TCP10L: variants seen among roughly 807,000 people sequenced by gnomAD.
TCP10L encodes the protein t-complex 10 like.
TCP10L carries 11 observed loss-of-function variants against 19.2 expected under a neutral mutation model. The observed-to-expected ratio is 0.57, with a 90% CI of 0.36 to 0.95. The LOEUF is 0.95. TCP10L is among the 40% of genes least tolerant of loss of function. The pLI, the probability that TCP10L is intolerant of heterozygous loss-of-function variation, is 0.01. For missense variants in TCP10L, 247 were observed against 263.9 expected (o/e 0.94, Z 0.44); for synonymous variants, 96 against 97.2 (o/e 0.99, Z 0.07).
intron 4 of TCP10L, among the ~76,000 whole-genome samples, 195 bp from the exon 5 acceptor site, chr21:32,577,118 T>C (rs1164960508): frequency 6.6e-6 from 1 of 152,222 alleles, no homozygotes; most frequent in Non-Finnish European, 1.5e-5. Flanking sequence ...AAATTTGGGA[T>C]TCCAATACAT....
At chr21:32,584,807 G>A (rs539427004) in intron 1 of TCP10L, among the ~76,000 whole-genome samples, 6 of 152,090 alleles carry the variant, frequency 3.9e-5, no homozygotes, top group African/African-American at 9.7e-5. Flanking sequence ...GCACCCACCT[G>A]GAGGGGCACA....
intron 4 of TCP10L, chr21:32,577,387 G>A (rs1329985394): frequency 6.5e-6 from 1 of 154,670 alleles, no homozygotes; most frequent in African/African-American, 2.4e-5. Flanking sequence ...GACTTACGAT[G>A]TTTTGTACTC....
In TCP10L at chr21:32,576,337, A is replaced by T; in HGVS notation, c.*437T>A. On this transcript the variant is annotated 3_prime_UTR_variant, in exon 5 of 5. Coordinates refer to ENST00000300258, the MANE Select transcript of TCP10L (RefSeq NM_144659.7). ...TGGATGCATAGCCTGGGGCAATGAC[A>T]GTCACAGGCCCGCCTTGTCACAAGG... The T allele has an allele frequency of 1.4e-6, 2 of 1,469,522 alleles. No homozygotes were observed. The highest frequency in any genetic ancestry group is 2.4e-5 in the South Asian group (2 of 82,738). 91.0% of individuals were successfully genotyped at this position (1,469,522 alleles called of 1,614,324 possible). A position where few individuals can be genotyped will look rare whatever the true frequency, so the allele number is the denominator to read the frequency against.
In TCP10L at chr21:32,576,891, C is replaced by T. The variant is rs542247630; in HGVS notation, c.531G>A (p.Ser177=). The T allele has an allele frequency of 1.4e-5, 22 of 1,613,898 alleles. No homozygotes were observed. The highest frequency in any genetic ancestry group is 1.7e-4 in the Middle Eastern group (1 of 6,058). The change falls in exon 5 of 5, where the codon TCG becomes TCA. Residue 177 remains serine (S), a synonymous_variant. Transcript: ENST00000300258. ...TATTTTCCTGTGGTGGTGTTTTCCACGAGCTAATTCTTTCTATCTTTAAAC... is the reference window on the plus strand; with the variant it reads ...TATTTTCCTGTGGTGGTGTTTTCCATGAGCTAATTCTTTCTATCTTTAAAC... ...PMSLKIERIS[S]WKTPPQENRD...
rs1391938530 is a variant in TCP10L at position 32,584,233 on chromosome 21, A to C, written c.72T>G (p.Ala24=). 1 of 1,613,802 alleles carries C rather than the reference A, an allele frequency of 6.2e-7. No individual in the cohort carries two copies. The highest frequency in any genetic ancestry group is 1.7e-5 in the Admixed American group (1 of 59,996). Residue 24 remains alanine (A), a synonymous_variant, in exon 2 of 5, where the codon GCT becomes GCG. Transcript: ENST00000300258. Reference sequence around the variant, plus strand: ...CAGCTGTCTTCTCCATGACAGCCCCAGCTCCTGGGCACGGGTCCTCTGGGT... The same window carrying C: ...CAGCTGTCTTCTCCATGACAGCCCCCGCTCCTGGGCACGGGTCCTCTGGGT... ...GTHPEDPCPG[A]GAVMEKTAVA...
chr21:32,583,540 G>A (rs1205281398), intron 2 of TCP10L, among the ~76,000 whole-genome samples: 4 of 139,442 alleles, frequency 2.9e-5, no homozygotes, highest in Non-Finnish European at 4.5e-5. Context: ...AGTGAGCCGA[G>A]ATCCCGCCAC....
intron 3 of TCP10L, among the ~76,000 whole-genome samples, chr21:32,580,233 G>A (rs1295788590): frequency 6.6e-6 from 1 of 152,030 alleles, no homozygotes; most frequent in Non-Finnish European, 1.5e-5. Context: ...AGCCTCCCGA[G>A]TAGCTGGGAC....
intron 3 of TCP10L, among the ~76,000 whole-genome samples, chr21:32,581,219 C>G (rs2146527267): frequency 6.6e-6 from 1 of 152,324 alleles, no homozygotes; most frequent in Admixed American, 6.5e-5. Flanking sequence ...TTGGGGTGGT[C>G]AGGGGAGAGC....
At chr21:32,585,272 G>C (rs1416686628) in intron 1 of TCP10L, 149 bp downstream of exon 1, 2 of 256,516 alleles carry the variant, frequency 7.8e-6, no homozygotes, top group African/African-American at 2.3e-5. Context: ...GAAGTGGGCT[G>C]GGGTCACGGT....
chr21:32,577,740 A>T (rs2038450865), intron 4 of TCP10L: 1 of 152,302 alleles, frequency 6.6e-6, no homozygotes, highest in African/African-American at 2.4e-5. Context: ...GAAGACCCTA[A>T]CCCAGCAGTG....
At chr21:32,583,024 CTTTTTTTTT>C (rs59972145) in intron 2 of TCP10L, among the ~76,000 whole-genome samples, 13 of 94,804 alleles carry the variant, frequency 1.4e-4, no homozygotes, top group East Asian at 2.9e-4. Context: ...CATTCTTTTC[CTTTTTTTTT>C]TTTTTTTTTT....
At chr21:32,583,567 C>T (rs1374540572) in intron 2 of TCP10L, among the ~76,000 whole-genome samples, 2 of 128,874 alleles carry the variant, frequency 1.6e-5, no homozygotes, top group African/African-American at 6.0e-5. Flanking sequence ...CCAGCCTGGG[C>T]GACAGAGCGA....
At position 32,582,410 on chromosome 21, in the gene TCP10L, T is replaced by C; in HGVS notation, c.150A>G (p.Leu50=). 1 of 1,611,278 alleles carries C rather than the reference T, an allele frequency of 6.2e-7. No homozygotes were observed. Among genetic ancestry groups the C allele is most frequent in the Non-Finnish European group, 8.5e-7 (1 of 1,179,332 alleles). The change falls in exon 3 of 5, where the codon TTA becomes TTG. Residue 50 remains leucine (L), a synonymous_variant. Coordinates refer to ENST00000300258, the MANE Select transcript of TCP10L (RefSeq NM_144659.7). The surrounding 1 kb of genome is among the most constrained non-coding windows in gnomAD (Gnocchi z 4.2). The stretch of plus-strand genomic sequence containing the variant: ...GGTGGAGTCTGATGATCTGCTGCTG[T>C]AATGGCTGTTATTGGGAAGAGAACA... ...EDCNTGEMPP[L]QQQIIRLHQE...
intron 4 of TCP10L, 83 bp from the exon 5 acceptor site, chr21:32,577,006 C>A: frequency 7.1e-7 from 1 of 1,400,110 alleles, no homozygotes; most frequent in Non-Finnish European, 9.8e-7. Context: ...TACCAGCTAT[C>A]ACAGAATGTA....
At chr21:32,581,468 A>G (rs1291558652) in intron 3 of TCP10L, among the ~76,000 whole-genome samples, 3 of 152,140 alleles carry the variant, frequency 2.0e-5, no homozygotes, top group Non-Finnish European at 2.9e-5. Context: ...CAAGCTGCCT[A>G]CGGAGGGGTA....
At position 32,575,470 on chromosome 21, in the gene TCP10L, G is replaced by A. The variant is rs2833907; in HGVS notation, c.*1304C>T. On this transcript the variant is annotated 3_prime_UTR_variant, in exon 5 of 5. Transcript: ENST00000300258. ...CAGGAGGAAGACAGTGTCAGATTCG[G>A]CCCTGAAGGGCCACGCAGACCTCGG... 21,333 of 154,362 alleles carry A rather than the reference G, an allele frequency of 0.14. 1,714 individuals are homozygous for A. Among genetic ancestry groups the A allele is most frequent in the Middle Eastern group, 0.28 (84 of 300 alleles). 9.6% of individuals were successfully genotyped at this position (154,362 alleles called of 1,614,324 possible).
chr21:32,583,028 T>A (rs2038513928), intron 2 of TCP10L, among the ~76,000 whole-genome samples: 1 of 56,096 alleles, frequency 1.8e-5, no homozygotes, highest in Non-Finnish European at 3.2e-5. Context: ...CTTTTCCTTT[T>A]TTTTTTTTTT....
rs935847320 is a variant in TCP10L at position 32,584,011 on chromosome 21, GC to G, written c.144+149del. 34 of 1,033,382 alleles carry G rather than the reference GC, an allele frequency of 3.3e-5. No individual in the cohort carries two copies. The Admixed American group carries it at 4.9e-4, about 15-fold the overall frequency. The allele number at this position is 1,033,382 out of a possible 1,614,324, so 64.0% of individuals were successfully genotyped here. A position where few individuals can be genotyped will look rare whatever the true frequency, so the allele number is the denominator to read the frequency against. The stretch of plus-strand genomic sequence containing the variant: ...GTTGCAGAGGGGGAAAGAGCCACAT[GC>G]CCCTTGGAGAGGAAGTACAGAATCA... On this transcript the variant is annotated intron_variant, in intron 2 of 4. Transcript: ENST00000300258.
chr21:32,584,656 C>A (rs575273527), intron 1 of TCP10L, among the ~76,000 whole-genome samples: 2 of 151,858 alleles, frequency 1.3e-5, no homozygotes, highest in Non-Finnish European at 2.9e-5. Flanking sequence ...AGGATATGAG[C>A]GGAATGTGAA....
Sources: gnomAD v4.1 joint callset for allele counts (sites outside exome capture counted in the v4.1 genomes callset) on GRCh38, gnomAD v4.1.1 for gene constraint, Gnocchi (gnomAD v3.1) non-coding constraint, MANE v1.5 for transcripts, NCBI Gene and HGNC (gene_info 2026-07-23, HGNC 2026-07-21) for gene names.